PTPRD: variants seen among roughly 807,000 people sequenced by gnomAD.
PTPRD encodes protein tyrosine phosphatase receptor type D, also known as receptor-type tyrosine-protein phosphatase delta.
In PTPRD, 34 loss-of-function variants were observed where a neutral mutation model predicts 214.5. That is an observed-to-expected ratio of 0.16 (90% CI 0.12 to 0.21). The LOEUF (loss-of-function observed/expected upper bound fraction) is 0.21, where lower values mean the gene tolerates loss of function less well. PTPRD is among the 10% of genes least tolerant of loss of function. PTPRD has a pLI of 1.00. For synonymous variants in PTPRD, 1,128 were observed against 845.7 expected (o/e 1.33, Z -5.79); for missense variants, 2,545 against 2,398.7 (o/e 1.06, Z -1.27).
chr9:9,785,592 G>C (rs977458441), intron 5 of PTPRD, among the ~76,000 whole-genome samples: 8 of 152,042 alleles, frequency 5.3e-5, no homozygotes, highest in African/African-American at 1.9e-4. Flanking sequence ...GAAAGATAAA[G>C]AGAGATTTAG....
rs2096199806 is a variant in PTPRD, at chr9:8,790,788, G to A, written c.-103-56842C>T. Among the ~76,000 whole-genome samples, 3 of 149,336 alleles carry A rather than the reference G, an allele frequency of 2.0e-5. No individual in the cohort carries two copies. The South Asian group carries it at 6.3e-4, about 32-fold the overall frequency. ...GAAAGGAAAAAAAAAAGGGGGTAGT[G>A]ACAAAACAGAAATGTTGTACTTTAT... On this transcript the variant is annotated intron_variant, in intron 11 of 45. Coordinates refer to ENST00000381196, the MANE Select transcript of PTPRD (RefSeq NM_002839.4).
intron 9 of PTPRD, among the ~76,000 whole-genome samples, chr9:9,302,334 T>C (rs904217906): frequency 2.6e-5 from 4 of 151,938 alleles, no homozygotes; most frequent in Non-Finnish European, 5.9e-5. Context: ...TGCATCCCTC[T>C]ACCATGTCAT....
intron 8 of PTPRD, among the ~76,000 whole-genome samples, chr9:9,553,751 T>C (rs1190820862): frequency 1.3e-5 from 2 of 152,070 alleles, no homozygotes; most frequent in Non-Finnish European, 2.9e-5. Flanking sequence ...GTTTTATACT[T>C]GGAAATTGTT....
intron 33 of PTPRD, among the ~76,000 whole-genome samples, chr9:8,454,239 A>T (rs2096084690): frequency 6.6e-6 from 1 of 152,228 alleles, no homozygotes; most frequent in Non-Finnish European, 1.5e-5. Flanking sequence ...AAAACAAAAC[A>T]AAACAGTTTA....
At chr9:9,906,262 A>G (rs2077540726) in intron 5 of PTPRD, among the ~76,000 whole-genome samples, 1 of 151,996 alleles carries the variant, frequency 6.6e-6, no homozygotes. Context: ...AAAAGAGTTA[A>G]TTCAAAATTT....
intron 2 of PTPRD, among the ~76,000 whole-genome samples, chr9:10,479,660 A>AATAAATAAAT (rs763212006): frequency 0.13 from 11,832 of 90,468 alleles, 623 homozygotes; most frequent in Middle Eastern, 0.19. Context: ...TAAATAAATA[A>AATAAATAAAT]ACAAAAATAC....
At chr9:9,883,642 A>G (rs1372309757) in intron 5 of PTPRD, among the ~76,000 whole-genome samples, 1 of 152,164 alleles carries the variant, frequency 6.6e-6, no homozygotes, top group African/African-American at 2.4e-5. Flanking sequence ...GCAATCACCA[A>G]CAATTCTAAA....
intron 11 of PTPRD, among the ~76,000 whole-genome samples, chr9:8,837,024 GCTT>G (rs1466537030): frequency 7.5e-6 from 1 of 133,460 alleles, no homozygotes; most frequent in Admixed American, 7.6e-5. Flanking sequence ...ACCACACCCA[GCTT>G]TTTTTTTTTT....
At chr9:9,190,870 G>C (rs1317856827) in intron 9 of PTPRD, among the ~76,000 whole-genome samples, 1 of 152,056 alleles carries the variant, frequency 6.6e-6, no homozygotes, top group African/African-American at 2.4e-5. Flanking sequence ...ACTAATTAAT[G>C]GGATGAGACT....
At chr9:9,942,617 C>T (rs189776214) in intron 4 of PTPRD, among the ~76,000 whole-genome samples, 3 of 152,210 alleles carry the variant, frequency 2.0e-5, no homozygotes, top group Non-Finnish European at 2.9e-5. Flanking sequence ...CGACAATCTA[C>T]AAGATTGCTT....
intron 2 of PTPRD, among the ~76,000 whole-genome samples, chr9:10,456,240 G>A (rs1023630710): frequency 7.2e-5 from 11 of 151,872 alleles, no homozygotes; most frequent in African/African-American, 2.7e-4. Flanking sequence ...AATGGGTATA[G>A]TTTTAAAGTG....
At position 8,328,467 on chromosome 9, in the gene PTPRD, A is replaced by G. The variant is rs1439482383; in HGVS notation, c.5534+3115T>C. ...CCTTAACATTTTTTCCTTCGTTTCAAGCTTGGTGAATCTGATGATTCATTG... is the reference window on the plus strand; with the variant it reads ...CCTTAACATTTTTTCCTTCGTTTCAGGCTTGGTGAATCTGATGATTCATTG... On this transcript the variant is annotated intron_variant, in intron 44 of 45. Coordinates refer to ENST00000381196, the MANE Select transcript of PTPRD (RefSeq NM_002839.4). Among the ~76,000 whole-genome samples, 3 of 151,918 alleles carry G rather than the reference A, an allele frequency of 2.0e-5. No individual in the cohort carries two copies. In the East Asian group the frequency reaches 5.8e-4, roughly 29 times the overall value.
At chr9:9,954,553 AAAT>A (rs1284755703) in intron 4 of PTPRD, among the ~76,000 whole-genome samples, 2 of 137,948 alleles carry the variant, frequency 1.4e-5, no homozygotes, top group Non-Finnish European at 3.3e-5. Context: ...CAAGAATATA[AAAT>A]AATGCAGAAA....
At chr9:9,250,046 T>A (rs754785810) in intron 9 of PTPRD, among the ~76,000 whole-genome samples, 1 of 152,050 alleles carries the variant, frequency 6.6e-6, no homozygotes, top group Non-Finnish European at 1.5e-5. Context: ...TAAGGGGAAA[T>A]CATTTTTAAT....
chr9:10,560,397 G>C (rs902773447), intron 2 of PTPRD, among the ~76,000 whole-genome samples: 2 of 151,902 alleles, frequency 1.3e-5, no homozygotes, highest in Non-Finnish European at 2.9e-5. Flanking sequence ...ATCACACTCT[G>C]GGGACAGTTG....
chr9:8,321,479 G>GTATATATATATATATATA (rs1265617885), intron 44 of PTPRD, among the ~76,000 whole-genome samples: 2 of 58,128 alleles, frequency 3.4e-5, no homozygotes, highest in African/African-American at 1.4e-4. Context: ...GTGTGTGTGT[G>GTATATATATATATATATA]TGTGTGTGTA....
chr9:8,774,457 A>C (rs1425998563), intron 11 of PTPRD, among the ~76,000 whole-genome samples: 2 of 151,670 alleles, frequency 1.3e-5, no homozygotes, highest in Non-Finnish European at 2.9e-5. Flanking sequence ...AGACTTTGTA[A>C]AGGATTTTAT....
At chr9:8,380,020 C>G (rs1477918869) in intron 37 of PTPRD, among the ~76,000 whole-genome samples, 2 of 152,078 alleles carry the variant, frequency 1.3e-5, no homozygotes, top group East Asian at 3.9e-4. Context: ...ATGGCTGGCA[C>G]AAACAGGCAT....
chr9:8,524,747 T>C (rs777278377), intron 18 of PTPRD, 178 bp downstream of exon 18: 3 of 744,748 alleles, frequency 4.0e-6, no homozygotes, highest in Admixed American at 3.6e-5. Context: ...GAGTTGTCTT[T>C]TGGAGTTAAA....
Sources: allele counts gnomAD v4.1 joint callset (sites outside exome capture counted in the v4.1 genomes callset), GRCh38; gene constraint gnomAD v4.1.1; transcripts MANE v1.5; gene names NCBI Gene and HGNC (gene_info 2026-07-23, HGNC 2026-07-21).